The following KLHL28 variants were observed in gnomAD, a reference collection of about 807,000 sequenced individuals.
The protein encoded by KLHL28 is kelch-like protein 28.
A neutral mutation model predicts 48.3 loss-of-function variants in KLHL28; 22 were observed. The observed-to-expected ratio is 0.46, with a 90% CI of 0.33 to 0.65. The LOEUF (loss-of-function observed/expected upper bound fraction) is 0.65, where lower values mean the gene tolerates loss of function less well. Among genes scored for constraint, KLHL28 ranks in the 30% least tolerant of loss-of-function variants. The pLI is 0.03. For synonymous variants in KLHL28, 243 were observed against 242.4 expected (o/e 1.00, Z -0.02); for missense variants, 527 against 704.3 (o/e 0.75, Z 2.85).
intron 2 of KLHL28, among the ~76,000 whole-genome samples, chr14:44,934,801 T>C (rs1258990509): frequency 6.6e-6 from 1 of 152,252 alleles, no homozygotes. Context: ...AAAACAATTT[T>C]ACATTATCTA....
At chr14:44,957,486 CA>C (rs1884843549) in intron 1 of KLHL28, among the ~76,000 whole-genome samples, 1 of 152,128 alleles carries the variant, frequency 6.6e-6, no homozygotes, top group Admixed American at 6.5e-5. Flanking sequence ...ACATTACATA[CA>C]AAAAATTAAC....
chr14:44,955,052 G>T (rs1884736271), intron 1 of KLHL28, among the ~76,000 whole-genome samples: 1 of 152,058 alleles, frequency 6.6e-6, no homozygotes, highest in Admixed American at 6.6e-5. Context: ...TAAAGCAAAT[G>T]AGTAATGATA....
At chr14:44,955,484 T>A (rs1415526656) in intron 1 of KLHL28, among the ~76,000 whole-genome samples, 1 of 152,012 alleles carries the variant, frequency 6.6e-6, no homozygotes, top group Non-Finnish European at 1.5e-5. Flanking sequence ...GCAGAAGATG[T>A]CAAGACACAT....
intron 1 of KLHL28, among the ~76,000 whole-genome samples, chr14:44,960,093 T>C (rs377126553): frequency 1.3e-5 from 2 of 152,076 alleles, no homozygotes; most frequent in Admixed American, 6.6e-5. Context: ...AGAGACAAAA[T>C]GTAACAGATA....
At chr14:44,930,968 T>C (rs1230460097) in intron 4 of KLHL28, among the ~76,000 whole-genome samples, 5 of 152,216 alleles carry the variant, frequency 3.3e-5, no homozygotes, top group Admixed American at 2.6e-4. Context: ...ATTACTGATA[T>C]ACAATAGAAA....
At chr14:44,935,204 A>T (rs141150917) in intron 2 of KLHL28, among the ~76,000 whole-genome samples, 93 of 152,358 alleles carry the variant, frequency 6.1e-4, no homozygotes, top group African/African-American at 2.1e-3. Context: ...ATGTTGAGAT[A>T]AAAAAGTCAA....
chr14:44,951,555 T>C (rs1339690099), intron 1 of KLHL28, among the ~76,000 whole-genome samples: 1 of 152,240 alleles, frequency 6.6e-6, no homozygotes, highest in African/African-American at 2.4e-5. Flanking sequence ...ACCAGCATGG[T>C]TCATTTTACT....
chr14:44,948,112 A>G (rs1166341174), intron 1 of KLHL28, among the ~76,000 whole-genome samples: 1 of 152,234 alleles, frequency 6.6e-6, no homozygotes, highest in Non-Finnish European at 1.5e-5. Flanking sequence ...TAAAGAATGA[A>G]TAACAGGAAA....
chr14:44,924,339 T>G lies in KLHL28; in HGVS notation c.*4689A>C, dbSNP rs1295269115. The G allele has an allele frequency of 6.6e-6, 1 of 152,268 alleles. No individual in the cohort carries two copies. The highest frequency in any genetic ancestry group is 1.5e-5 in the Non-Finnish European group (1 of 68,048). The allele number at this position is 152,268 out of a possible 1,614,324, so 9.4% of individuals were successfully genotyped here. A position where few individuals can be genotyped will look rare whatever the true frequency, so the allele number is the denominator to read the frequency against. On this transcript the variant is annotated 3_prime_UTR_variant, in exon 5 of 5. Transcript: ENST00000396128. ...ATATACAAAGTAGATTTTTCATTTT[T>G]ATTTTAAACATTTTACATTAAATGA... is the stretch of plus-strand genomic sequence containing the variant.
intron 2 of KLHL28, among the ~76,000 whole-genome samples, chr14:44,942,410 A>T (rs1208065063): frequency 1.3e-5 from 2 of 152,166 alleles, no homozygotes; most frequent in African/African-American, 2.4e-5. Flanking sequence ...CTACAATAAC[A>T]TCTTATTTAA....
At chr14:44,937,723 T>A (rs1304099981) in intron 2 of KLHL28, among the ~76,000 whole-genome samples, 1 of 152,154 alleles carries the variant, frequency 6.6e-6, no homozygotes, top group African/African-American at 2.4e-5. Context: ...TGGCTCAAGG[T>A]ACTGGAGGCT....
chr14:44,943,883 AT>A (rs1884212220), intron 2 of KLHL28, among the ~76,000 whole-genome samples: 3 of 151,954 alleles, frequency 2.0e-5, no homozygotes, highest in African/African-American at 7.2e-5. Flanking sequence ...CCCAGATAAT[AT>A]TTTAAATTTT....
At chr14:44,931,204 C>G in intron 4 of KLHL28, 129 bp downstream of exon 4, 1 of 599,760 alleles carries the variant, frequency 1.7e-6, no homozygotes, top group South Asian at 2.6e-5. Context: ...TTACCACATA[C>G]AAGTCTTTTT....
chr14:44,943,675 AAAATAAATAAAATAAAT>A (rs1446672680), intron 2 of KLHL28, among the ~76,000 whole-genome samples: 4 of 151,578 alleles, frequency 2.6e-5, no homozygotes, highest in East Asian at 1.9e-4. Context: ...TAAAAAATAA[AAAATAAATAAAATAAAT>A]AAATAAATAA....
intron 2 of KLHL28, among the ~76,000 whole-genome samples, chr14:44,941,976 T>C (rs1379372576): frequency 6.6e-6 from 1 of 152,230 alleles, no homozygotes; most frequent in Non-Finnish European, 1.5e-5. Flanking sequence ...AAAGACTTCA[T>C]AGTTTTAATT....
Position 44,937,825 on chromosome 14 carries a change from C to T in KLHL28, c.900-3267G>A, listed in dbSNP as rs76024027. Among the ~76,000 whole-genome samples the T allele has an allele frequency of 3.2e-3, 494 of 152,242 alleles. 5 individuals are homozygous for T. Among genetic ancestry groups the T allele is most frequent in the African/African-American group, 0.011 (469 of 41,550 alleles). On this transcript the variant is annotated intron_variant, in intron 2 of 4. Coordinates refer to ENST00000396128, the MANE Select transcript of KLHL28 (RefSeq NM_017658.5). ...ATAGCTAGCAAGCCTGTGCACAAGA[C>T]AGAGAAAATGGCAGCCGGACTTATC...
intron 2 of KLHL28, among the ~76,000 whole-genome samples, chr14:44,938,458 G>A (rs1439108364): frequency 6.6e-6 from 1 of 151,520 alleles, no homozygotes; most frequent in Non-Finnish European, 1.5e-5. Flanking sequence ...TGCAAGCTCC[G>A]CCTCCCGGGT....
intron 1 of KLHL28, chr14:44,960,978 A>G (rs1439346154): frequency 1.7e-6 from 2 of 1,162,778 alleles, no homozygotes; most frequent in Non-Finnish European, 1.2e-6. Flanking sequence ...GAGTCATTCA[A>G]AAGTAATAGT....
At chr14:44,935,152 C>G (rs553561786) in intron 2 of KLHL28, among the ~76,000 whole-genome samples, 1 of 152,194 alleles carries the variant, frequency 6.6e-6, no homozygotes, top group Non-Finnish European at 1.5e-5. Flanking sequence ...ATGAAAGGAA[C>G]AAACTATAGC....
Sources: allele counts gnomAD v4.1 joint callset (sites outside exome capture counted in the v4.1 genomes callset), GRCh38; gene constraint gnomAD v4.1.1; transcripts MANE v1.5; gene names NCBI Gene and HGNC (gene_info 2026-07-23, HGNC 2026-07-21).